The following EPHA4 variants were observed in gnomAD, a reference collection of about 807,000 sequenced individuals.
EPHA4 encodes EPH receptor A4, also known as ephrin type-A receptor 4.
A neutral mutation model predicts 108.3 loss-of-function variants in EPHA4; 19 were observed. The observed-to-expected ratio is 0.18, with a 90% confidence interval of 0.12 to 0.26. The LOEUF (loss-of-function observed/expected upper bound fraction) is 0.26. Ranked by LOEUF, EPHA4 falls within the 10% of genes least tolerant of loss-of-function variation. EPHA4 has a pLI of 1.00. For missense variants in EPHA4, 917 were observed against 1,254.0 expected (o/e 0.73, Z 4.06); for synonymous variants, 449 against 455.5 (o/e 0.99, Z 0.18).
Position 221,563,759 on chromosome 2 carries a change from C to T in EPHA4, c.795G>A (p.Gly265=), listed in dbSNP as rs756196820. The stretch of plus-strand genomic sequence containing the variant: ...GGCATTCTCCGCTCCGCTCCTCATG[C>T]CCAGCGTTGCATAGGCAGTTGCCAA... ...VPIGNCLCNA[G]HEERSGECQA... is the part of the protein sequence containing the mutation. Residue 265 remains glycine, a synonymous_variant, in exon 3 of 18, where the codon GGG becomes GGA. Transcript: ENST00000281821. 1 of 1,614,222 alleles carries T rather than the reference C, an allele frequency of 6.2e-7. No individual in the cohort carries two copies. The highest frequency in any genetic ancestry group is 2.2e-5 in the East Asian group (1 of 44,884).
chr2:221,559,954 AG>A (rs1327443279), intron 3 of EPHA4, among the ~76,000 whole-genome samples: 1 of 152,200 alleles, frequency 6.6e-6, no homozygotes, highest in Non-Finnish European at 1.5e-5. Flanking sequence ...CAGAGGGCAA[AG>A]CCACCATCCC....
chr2:221,542,473 A>T (rs1375182712), intron 3 of EPHA4, among the ~76,000 whole-genome samples: 1 of 152,206 alleles, frequency 6.6e-6, no homozygotes, highest in African/African-American at 2.4e-5. Flanking sequence ...CTCTACAAGG[A>T]TTTGAACTCC....
At chr2:221,487,510 A>G (rs1042248031) in intron 4 of EPHA4, among the ~76,000 whole-genome samples, 1 of 152,240 alleles carries the variant, frequency 6.6e-6, no homozygotes, top group African/African-American at 2.4e-5. Context: ...GGAAAACTTT[A>G]TCTCTGAAGA....
intron 2 of EPHA4, among the ~76,000 whole-genome samples, chr2:221,566,570 T>C (rs945440871): frequency 6.6e-6 from 1 of 151,858 alleles, no homozygotes; most frequent in African/African-American, 2.4e-5. Context: ...TATATACAAA[T>C]AAAATTATTT....
At chr2:221,548,387 G>A (rs962075577) in intron 3 of EPHA4, among the ~76,000 whole-genome samples, 1 of 151,672 alleles carries the variant, frequency 6.6e-6, no homozygotes, top group Non-Finnish European at 1.5e-5. Context: ...AGTCTGGGAC[G>A]TTGTCCTTCT....
chr2:221,458,634 A>C (rs1413805280), intron 5 of EPHA4, among the ~76,000 whole-genome samples: 2 of 152,218 alleles, frequency 1.3e-5, no homozygotes, highest in African/African-American at 4.8e-5. Flanking sequence ...AAGAGCTGAC[A>C]TGTTGCCTTT....
In EPHA4 at chr2:221,571,255, TACACAC is replaced by T. The variant is rs34969368; in HGVS notation, c.91+897_91+902del. The stretch of plus-strand genomic sequence containing the variant: ...CAGACATGCACACACACACCACACA[TACACAC>T]ACACACACACACAGTTCGCCTCTCC... On this transcript the variant is annotated intron_variant, in intron 1 of 17. Coordinates refer to ENST00000281821, the MANE Select transcript of EPHA4 (RefSeq NM_004438.5). The surrounding 1 kb of genome is among the most constrained non-coding windows in gnomAD (Gnocchi z 6.3). 7.0e-6 allele frequency among the ~76,000 whole-genome samples: 1 copy of T among 142,534 alleles called. No homozygotes were observed. The highest frequency in any genetic ancestry group is 2.6e-5 in the African/African-American group (1 of 38,522). 93.5% of individuals were successfully genotyped at this position (142,534 alleles called of 152,430 possible).
intron 3 of EPHA4, among the ~76,000 whole-genome samples, chr2:221,562,679 G>T (rs1014379913): frequency 6.6e-6 from 1 of 152,124 alleles, no homozygotes. Flanking sequence ...ATTGGCAGCC[G>T]CAGACTGTTG....
Position 221,436,420 on chromosome 2 carries a change from C to A in EPHA4, c.2325G>T (p.Pro775=). The A allele has an allele frequency of 6.2e-7, 1 of 1,614,152 alleles. No homozygotes were observed. Among genetic ancestry groups the A allele is most frequent in the Non-Finnish European group, 8.5e-7 (1 of 1,180,002 alleles). ...TTACCCTGGTGGTGTAAGCTGCTTC[C>A]GGATCATCCTCAAGCACTCGGGACA... ...FGMSRVLEDD[P]EAAYTTRGGK... is the part of the protein sequence containing the mutation. The change falls in exon 13 of 18, where the codon CCG becomes CCT. Residue 775 remains proline (P), a synonymous_variant. Coordinates refer to ENST00000281821, the MANE Select transcript of EPHA4 (RefSeq NM_004438.5).
intron 3 of EPHA4, among the ~76,000 whole-genome samples, chr2:221,510,400 T>A (rs918395051): frequency 6.6e-6 from 1 of 152,212 alleles, no homozygotes; most frequent in African/African-American, 2.4e-5. Flanking sequence ...AACCAATAGT[T>A]TCTAATTCAG....
rs2106209268 is a variant in EPHA4 at position 221,564,158 on chromosome 2, G to C, written c.396C>G (p.Asp132Glu). The C allele has an allele frequency of 1.9e-6, 3 of 1,614,110 alleles. No homozygotes were observed. The highest frequency in any genetic ancestry group is 2.5e-6 in the Non-Finnish European group (3 of 1,180,008). The change falls in exon 3 of 18, where the codon GAC becomes GAG. Residue 132 changes from aspartate (D) to glutamate (E), a missense_variant. Asp to Glu is a conservative substitution (Grantham distance 45). Around this residue, in one of 3 missense-constraint regions of EPHA4, gnomAD observed 758 missense variants for 1,076.7 expected, o/e 0.70. Transcript: ENST00000281821. ...GGTTCTCTCTGATGAAACGCTCTTT[G>C]TCGTTGTCTGATTCATAGTAGTACA... The part of the protein sequence containing the change: ...FNLYYYESDN[D>E]KERFIRENQF...
rs73089683 is a variant in EPHA4 at position 221,566,204 on chromosome 2, C to T, written c.160-1810G>A. 5.7e-3 allele frequency among the ~76,000 whole-genome samples: 872 copies of T among 152,126 alleles called. 8 individuals are homozygous for T. Among genetic ancestry groups the T allele is most frequent in the African/African-American group, 0.02 (821 of 41,490 alleles). ...GTCTCTGATTCTAATTTATATTTTC[C>T]TTGGTGGTATTGTCAAATCAAGTTG... On this transcript the variant is annotated intron_variant, in intron 2 of 17. Coordinates refer to ENST00000281821, the MANE Select transcript of EPHA4 (RefSeq NM_004438.5).
Position 221,456,762 on chromosome 2 carries a change from TCATTCTG to T in EPHA4, c.1447_1453del (p.Gln483SerfsTer6). On this transcript the variant is annotated frameshift_variant, in exon 7 of 18. Coordinates refer to ENST00000281821, the MANE Select transcript of EPHA4 (RefSeq NM_004438.5). LOFTEE classifies it high-confidence loss of function. The stretch of plus-strand genomic sequence containing the variant: ...TGTCCGAACTATACGATAGCTTCGC[TCATTCTG>T]ATCCTACATCATGGCAAGATAAAAT... 1 of 1,613,794 alleles carries T rather than the reference TCATTCTG, an allele frequency of 6.2e-7. No individual in the cohort carries two copies. The highest frequency in any genetic ancestry group is 8.5e-7 in the Non-Finnish European group (1 of 1,179,780).
At position 221,566,966 on chromosome 2, in the gene EPHA4, AGAG is replaced by A. The variant is rs1450309778; in HGVS notation, c.159+1749_159+1751del. Reference sequence around the variant, plus strand: ...AAGGAGAAGGAGAAGGGGAAGAGGAAGAGGAAGAAGAAGAAGAAGAAGAAGAAG... The same window carrying A: ...AAGGAGAAGGAGAAGGGGAAGAGGAAGAAGAAGAAGAAGAAGAAGAAGAAG... On this transcript the variant is annotated intron_variant, in intron 2 of 17. Coordinates refer to ENST00000281821, the MANE Select transcript of EPHA4 (RefSeq NM_004438.5). Among the ~76,000 whole-genome samples, 125 of 101,656 alleles carry A rather than the reference AGAG, an allele frequency of 1.2e-3. 36 individuals carry two copies. The highest frequency in any genetic ancestry group is 5.8e-3 in the Middle Eastern group (1 of 172). The allele number at this position is 101,656 out of a possible 152,430, so 66.7% of individuals were successfully genotyped here.
intron 14 of EPHA4, among the ~76,000 whole-genome samples, chr2:221,432,083 G>C (rs1057083294): frequency 6.6e-6 from 1 of 151,058 alleles, no homozygotes; most frequent in Non-Finnish European, 1.5e-5. Context: ...TAAAGCCAGA[G>C]AACTGAAAGT....
chr2:221,420,025 GA>G lies in EPHA4; in HGVS notation c.*1346del, dbSNP rs1559231331. 1.3e-5 allele frequency: 2 copies of G among 152,546 alleles called. No individual in the cohort carries two copies. Among genetic ancestry groups the G allele is most frequent in the Admixed American group, 6.5e-5 (1 of 15,270 alleles). The allele number at this position is 152,546 out of a possible 1,614,324, so 9.4% of individuals were successfully genotyped here. On this transcript the variant is annotated 3_prime_UTR_variant, in exon 18 of 18. Transcript: ENST00000281821. Reference sequence around the variant, plus strand: ...GATAGTCAGCTCATATTTAGTCTAAGAAAAAAATATATTTATATCACTGCAA... The same window carrying G: ...GATAGTCAGCTCATATTTAGTCTAAGAAAAAATATATTTATATCACTGCAA...
Position 221,566,947 on chromosome 2 carries a change from AAGGAGAAGG to A in EPHA4, c.159+1762_159+1770del, listed in dbSNP as rs1559297359. On this transcript the variant is annotated intron_variant, in intron 2 of 17. Coordinates refer to ENST00000281821, the MANE Select transcript of EPHA4 (RefSeq NM_004438.5). ...GAAGGAGAAGGAGAAGGAGAAGGAG[AAGGAGAAGG>A]GGAAGAGGAAGAGGAAGAAGAAGAA... is the stretch of plus-strand genomic sequence containing the variant. Among the ~76,000 whole-genome samples the A allele has an allele frequency of 7.6e-5, 6 of 78,684 alleles. 2 individuals are homozygous for A. The highest frequency in any genetic ancestry group is 3.6e-4 in the African/African-American group (5 of 13,736). The allele number at this position is 78,684 out of a possible 152,430, so 51.6% of individuals were successfully genotyped here. A position where few individuals can be genotyped will look rare whatever the true frequency, so the allele number is the denominator to read the frequency against.
intron 14 of EPHA4, among the ~76,000 whole-genome samples, chr2:221,433,285 C>T (rs1339197959): frequency 2.6e-5 from 4 of 151,980 alleles, no homozygotes; most frequent in African/African-American, 9.7e-5. Context: ...AAGAAGTTTC[C>T]AAAATATAAT....
chr2:221,431,463 A>T (rs1399311970), intron 14 of EPHA4, among the ~76,000 whole-genome samples: 1 of 152,226 alleles, frequency 6.6e-6, no homozygotes, highest in Non-Finnish European at 1.5e-5. Context: ...CTTGTGATTT[A>T]TTAAGCCCTC....
Sources: allele counts gnomAD v4.1 joint callset (sites outside exome capture counted in the v4.1 genomes callset), GRCh38; gene constraint gnomAD v4.1.1; regional missense constraint gnomAD v4.1.1; non-coding constraint Gnocchi (gnomAD v3.1); transcripts MANE v1.5; gene names NCBI Gene and HGNC (gene_info 2026-07-23, HGNC 2026-07-21).